Variants in DIAPH2 observed in about 807,000 individuals in gnomAD.
DIAPH2 encodes protein diaphanous homolog 2.
Under a neutral mutation model 92.7 loss-of-function variants are expected in DIAPH2, and 35 were observed. The ratio of observed to expected loss-of-function variants is 0.38; its 90% confidence interval spans 0.29 to 0.50. The LOEUF is 0.50. DIAPH2 is among the 20% of genes least tolerant of loss of function. The pLI, the probability that DIAPH2 is intolerant of heterozygous loss-of-function variation, is 0.94. For missense variants in DIAPH2, 701 were observed against 819.5 expected (o/e 0.86, Z 1.77); for synonymous variants, 301 against 280.4 (o/e 1.07, Z -0.73).
chrX:96,814,055 AT>A (rs2064709869), intron 4 of DIAPH2, among the ~76,000 whole-genome samples: 1 of 110,878 alleles, frequency 9.0e-6, no homozygotes, highest in Non-Finnish European at 1.9e-5. Context: ...TGTTTCCTGA[AT>A]TTGAATGTTG....
At chrX:97,576,412 A>G (rs964747711) in intron 26 of DIAPH2, among the ~76,000 whole-genome samples, 2 of 111,985 alleles carry the variant, frequency 1.8e-5, no homozygotes, top group African/African-American at 6.5e-5. Context: ...CAAATTCTCA[A>G]GGAAAAGGAT....
chrX:97,101,603 A>G (rs2147365150), intron 20 of DIAPH2, among the ~76,000 whole-genome samples: 1 of 111,808 alleles, frequency 8.9e-6, no homozygotes, highest in South Asian at 3.8e-4. Context: ...TTTGCCCAAT[A>G]AAGTTTAGCT....
In DIAPH2 at chrX:97,031,710, C is replaced by T. The variant is rs145617415; in HGVS notation, c.2051-41231C>T. 7.8e-3 allele frequency among the ~76,000 whole-genome samples: 873 copies of T among 111,240 alleles called. 8 individuals carry two copies. Among genetic ancestry groups the T allele is most frequent in the African/African-American group, 0.027 (831 of 30,623 alleles). On this transcript the variant is annotated intron_variant, in intron 17 of 26. Coordinates refer to ENST00000324765, the MANE Select transcript of DIAPH2 (RefSeq NM_006729.5). ...ATAGTGGGGAAGATAGATAGGTAAT[C>T]AATTATTATCATAACATGTGTAAAT...
chrX:97,157,822 A>G (rs944431254), intron 22 of DIAPH2, among the ~76,000 whole-genome samples: 1 of 112,090 alleles, frequency 8.9e-6, no homozygotes, highest in African/African-American at 3.2e-5. Context: ...CCATTATCAT[A>G]TTTGTATTTT....
At position 97,046,435 on chromosome X, in the gene DIAPH2, T is replaced by C. The variant is rs113228469; in HGVS notation, c.2051-26506T>C. Reference sequence around the variant, plus strand: ...GGGTGGGGAGGTGCCATTTGATAGTTTCTATTTTCTCATTAGTTAGGCAGC... The same window carrying C: ...GGGTGGGGAGGTGCCATTTGATAGTCTCTATTTTCTCATTAGTTAGGCAGC... On this transcript the variant is annotated intron_variant, in intron 17 of 26. Coordinates refer to ENST00000324765, the MANE Select transcript of DIAPH2 (RefSeq NM_006729.5). 7.7e-3 allele frequency among the ~76,000 whole-genome samples: 850 copies of C among 111,089 alleles called. 8 individuals carry two copies. The highest frequency in any genetic ancestry group is 0.027 in the African/African-American group (811 of 30,483).
chrX:97,098,292 C>A (rs5921328), intron 19 of DIAPH2, among the ~76,000 whole-genome samples: 4,081 of 111,456 alleles, frequency 0.037, 63 homozygotes, highest in Middle Eastern at 0.069. Context: ...ACCATTACCA[C>A]TATTTCCAGA....
At chrX:97,243,697 A>G (rs777573665) in intron 22 of DIAPH2, among the ~76,000 whole-genome samples, 8 of 111,485 alleles carry the variant, frequency 7.2e-5, no homozygotes, top group Non-Finnish European at 1.5e-4. Flanking sequence ...CGCTTTCCTC[A>G]CATTCCCATT....
chrX:97,228,780 T>A (rs992632951), intron 22 of DIAPH2, among the ~76,000 whole-genome samples: 3 of 112,230 alleles, frequency 2.7e-5, no homozygotes, highest in Non-Finnish European at 3.8e-5. Flanking sequence ...GAAGATTATC[T>A]TAGCAAAATT....
At chrX:97,291,498 G>A (rs2068590300) in intron 23 of DIAPH2, among the ~76,000 whole-genome samples, 2 of 111,643 alleles carry the variant, frequency 1.8e-5, no homozygotes, top group Admixed American at 9.6e-5. Context: ...GATAGGACCA[G>A]GAATAGCTTC....
chrX:97,438,923 A>G (rs774644893), intron 26 of DIAPH2, among the ~76,000 whole-genome samples: 7 of 112,097 alleles, frequency 6.2e-5, no homozygotes, highest in African/African-American at 1.9e-4. Context: ...TTTGTTGAGC[A>G]TATACTGTGT....
intron 4 of DIAPH2, among the ~76,000 whole-genome samples, chrX:96,860,377 T>C (rs1049464138): frequency 5.4e-5 from 6 of 111,384 alleles, no homozygotes; most frequent in Non-Finnish European, 9.4e-5. Context: ...ATTAGTAAAA[T>C]GGGAAAAACT....
chrX:96,799,586 G>C (rs1467287805), intron 4 of DIAPH2, among the ~76,000 whole-genome samples: 1 of 111,660 alleles, frequency 9.0e-6, no homozygotes, highest in Non-Finnish European at 1.9e-5. Flanking sequence ...GAGGCAGGCG[G>C]ATCACGAGCT....
intron 26 of DIAPH2, chrX:97,528,666 C>T (rs894609202): frequency 8.9e-6 from 1 of 112,036 alleles, no homozygotes; most frequent in Admixed American, 9.5e-5. Context: ...ACCCAAATTC[C>T]TCCCATCGGG....
chrX:96,880,839 TTATA>T (rs1463260400), intron 4 of DIAPH2, among the ~76,000 whole-genome samples: 2 of 111,666 alleles, frequency 1.8e-5, no homozygotes, highest in East Asian at 5.6e-4. Flanking sequence ...CCTGAACTAC[TTATA>T]TAGTTATAGC....
At chrX:97,573,620 A>G (rs770427636) in intron 26 of DIAPH2, among the ~76,000 whole-genome samples, 1 of 109,561 alleles carries the variant, frequency 9.1e-6, no homozygotes, top group South Asian at 4.1e-4. Flanking sequence ...ATAAAATGGT[A>G]TCAAGGTATC....
At chrX:97,393,723 A>G (rs2069680541) in intron 25 of DIAPH2, among the ~76,000 whole-genome samples, 1 of 112,294 alleles carries the variant, frequency 8.9e-6, no homozygotes, top group Admixed American at 9.5e-5. Context: ...TTTCATGTTT[A>G]TGGAAGTCAG....
chrX:97,007,766 T>C (rs1258005302), intron 17 of DIAPH2, among the ~76,000 whole-genome samples: 6 of 95,815 alleles, frequency 6.3e-5, no homozygotes, highest in Non-Finnish European at 1.3e-4. Flanking sequence ...TTTTTCTTTT[T>C]TTTTTTTTTT....
intron 17 of DIAPH2, among the ~76,000 whole-genome samples, chrX:96,969,408 G>A (rs1272394975): frequency 9.1e-6 from 1 of 109,654 alleles, no homozygotes; most frequent in Non-Finnish European, 1.9e-5. Context: ...ATTTCTTTTA[G>A]TAGTTTTTTG....
chrX:97,216,858 C>T (rs5921618), intron 22 of DIAPH2, among the ~76,000 whole-genome samples: 2,663 of 111,237 alleles, frequency 0.024, 34 homozygotes, highest in Middle Eastern at 0.042. Context: ...ATCGATTTTC[C>T]GCCTTGAACT....
Sources: allele counts gnomAD v4.1 joint callset (sites outside exome capture counted in the v4.1 genomes callset), GRCh38; gene constraint gnomAD v4.1.1; transcripts MANE v1.5; gene names NCBI Gene and HGNC (gene_info 2026-07-23, HGNC 2026-07-21).